The following DEPDC5 variants were observed in gnomAD, a reference collection of about 807,000 sequenced individuals.
DEPDC5 encodes GATOR1 complex protein DEPDC5.
DEPDC5 carries 73 observed loss-of-function variants against 217.3 expected under a neutral mutation model. The ratio of observed to expected loss-of-function variants is 0.34; its 90% CI spans 0.28 to 0.41. DEPDC5 has a LOEUF of 0.41. Ranked by LOEUF, DEPDC5 falls within the 10% of genes least tolerant of loss-of-function variation. The pLI, the probability that DEPDC5 is intolerant of heterozygous loss-of-function variation, is 1.00. For missense variants in DEPDC5, 1,675 were observed against 2,070.1 expected (o/e 0.81, Z 3.70); for synonymous variants, 733 against 756.7 (o/e 0.97, Z 0.51).
rs3213524 is a variant in DEPDC5, at chr22:31,879,803, G to A, written c.4033+51G>A. 0.12 allele frequency: 178,983 copies of A among 1,539,228 alleles called. 11,546 individuals carry two copies. The highest frequency in any genetic ancestry group is 0.22 in the African/African-American group (15,896 of 73,306). On this transcript the variant is annotated intron_variant, in intron 38 of 42. Coordinates refer to ENST00000651528, the MANE Select transcript of DEPDC5 (RefSeq NM_001242896.3). The stretch of plus-strand genomic sequence containing the variant: ...TGAGGGTGTGCCAGTGGGTGGCTGC[G>A]GGAAAGTAGTGGCCAGCCAAGGGAA...
chr22:31,849,931 A>G (rs2091940224), intron 31 of DEPDC5, among the ~76,000 whole-genome samples: 1 of 152,068 alleles, frequency 6.6e-6, no homozygotes, highest in South Asian at 2.1e-4. Flanking sequence ...AGGAACTACA[A>G]TTTGAGATGA....
At chr22:31,837,847 G>A (rs529868009) in intron 26 of DEPDC5, among the ~76,000 whole-genome samples, 2 of 152,080 alleles carry the variant, frequency 1.3e-5, no homozygotes, top group South Asian at 2.1e-4. Context: ...GACTACAGGC[G>A]TGTGCCACCA....
chr22:31,773,178 TTTTAAC>T (rs1479723125), intron 7 of DEPDC5, among the ~76,000 whole-genome samples: 1 of 152,082 alleles, frequency 6.6e-6, no homozygotes, highest in Non-Finnish European at 1.5e-5. Flanking sequence ...GATTGTCACT[TTTTAAC>T]TTTATTTTTA....
In DEPDC5 at chr22:31,804,701, A is replaced by T. The variant is rs918685405; in HGVS notation, c.1144-141A>T. On this transcript the variant is annotated intron_variant, in intron 16 of 42. Transcript: ENST00000651528. Reference sequence around the variant, plus strand: ...GTGGTCCGCCCGCCTTGGCCTCCCAAATTGCTGGGATTACAGGCATGACCC... The same window carrying T: ...GTGGTCCGCCCGCCTTGGCCTCCCATATTGCTGGGATTACAGGCATGACCC... 1.2e-5 allele frequency: 9 copies of T among 775,782 alleles called. No homozygotes were observed. The African/African-American group carries it at 1.6e-4, about 14-fold the overall frequency. 48.1% of individuals were successfully genotyped at this position (775,782 alleles called of 1,614,324 possible).
At chr22:31,869,772 CGG>C (rs1400953584) in intron 33 of DEPDC5, among the ~76,000 whole-genome samples, 5 of 151,924 alleles carry the variant, frequency 3.3e-5, no homozygotes, top group Non-Finnish European at 7.4e-5. Flanking sequence ...TCCTGTGAGT[CGG>C]TTTTCAGTGT....
chr22:31,772,462 G>A (rs902243664), intron 7 of DEPDC5, among the ~76,000 whole-genome samples: 3 of 152,108 alleles, frequency 2.0e-5, no homozygotes, highest in Admixed American at 1.3e-4. Context: ...AGTGATGTTG[G>A]GTAACTTCGG....
chr22:31,830,603 T>C (rs946342232), intron 24 of DEPDC5, among the ~76,000 whole-genome samples: 5 of 151,186 alleles, frequency 3.3e-5, no homozygotes, highest in Non-Finnish European at 5.9e-5. Context: ...GTCCTGAAAA[T>C]ATTTGCTTTT....
chr22:31,832,638 A>C (rs552370532), intron 24 of DEPDC5, among the ~76,000 whole-genome samples: 2 of 152,280 alleles, frequency 1.3e-5, no homozygotes, highest in Non-Finnish European at 2.9e-5. Context: ...ACACAGGTGC[A>C]TGCCACCATG....
In DEPDC5 at chr22:31,870,657, C is replaced by T. The variant is rs1199651277; in HGVS notation, c.3398C>T (p.Ser1133Phe). Residue 1133 changes from serine (S) to phenylalanine (F), a missense_variant, in exon 34 of 43, where the codon TCC becomes TTC. This residue lies in a region of DEPDC5 where 9 missense variants were observed against 25.7 expected (regional missense o/e 0.35). Transcript: ENST00000651528. ...GTSLGICTGQ[S>F]MDRGNSQTFG... ...AGTTTGGGCATATGCACAGGCCAAT[C>T]CATGGACAGAGGCAACAGCCAGACC... 1.2e-6 allele frequency: 2 copies of T among 1,605,680 alleles called. No individual in the cohort carries two copies. Among genetic ancestry groups the T allele is most frequent in the East Asian group, 2.3e-5 (1 of 43,966 alleles).
At chr22:31,900,600 G>A (rs9621362) in intron 40 of DEPDC5, among the ~76,000 whole-genome samples, 8 of 151,814 alleles carry the variant, frequency 5.3e-5, no homozygotes, top group Non-Finnish European at 1.0e-4. Flanking sequence ...TTAGCTGGGC[G>A]CTGTGGCACA....
At chr22:31,831,738 G>C (rs1298063451) in intron 24 of DEPDC5, among the ~76,000 whole-genome samples, 1 of 152,182 alleles carries the variant, frequency 6.6e-6, no homozygotes, top group South Asian at 2.1e-4. Flanking sequence ...TGAGATTACA[G>C]GCGTGAGCCC....
At chr22:31,888,548 G>A (rs1051143284) in intron 38 of DEPDC5, among the ~76,000 whole-genome samples, 4 of 149,714 alleles carry the variant, frequency 2.7e-5, no homozygotes, top group South Asian at 2.1e-4. Context: ...CACCACACCC[G>A]GCTCTTTGTT....
Position 31,843,780 on chromosome 22 carries a change from G to T in DEPDC5, c.2769G>T (p.Gln923His). The T allele has an allele frequency of 6.2e-7, 1 of 1,611,456 alleles. No individual in the cohort carries two copies. Among genetic ancestry groups the T allele is most frequent in the Non-Finnish European group, 8.5e-7 (1 of 1,177,832 alleles). ...AGTACAAGTGGAATTACTTAGATCA[G>T]TATATCTGTTCTGCCGGCTCTGAAG... Reference protein sequence around the residue: ...LEEYKWNYLDQYICSAGSEDF... With the variant: ...LEEYKWNYLDHYICSAGSEDF... Residue 923 changes from glutamine to histidine, a missense_variant, in exon 29 of 43, where the codon CAG (glutamine) becomes CAT (histidine). Physicochemically the swap from Gln to His is conservative, Grantham distance 24. Coordinates refer to ENST00000651528, the MANE Select transcript of DEPDC5 (RefSeq NM_001242896.3).
chr22:31,868,515 C>T (rs907382762), intron 33 of DEPDC5, among the ~76,000 whole-genome samples: 1 of 152,214 alleles, frequency 6.6e-6, no homozygotes, highest in African/African-American at 2.4e-5. Flanking sequence ...GCAACCTCCG[C>T]TTCCCGGGTG....
intron 20 of DEPDC5, among the ~76,000 whole-genome samples, chr22:31,813,679 C>CTATATA (rs58384211): frequency 9.8e-4 from 141 of 144,558 alleles, no homozygotes; most frequent in African/African-American, 3.3e-3. Context: ...TTTAATAAGG[C>CTATATA]TATATATATA....
chr22:31,787,604 C>G (rs914931008), intron 10 of DEPDC5, among the ~76,000 whole-genome samples: 8 of 151,898 alleles, frequency 5.3e-5, no homozygotes, highest in African/African-American at 1.9e-4. Context: ...GCCAAAAGTT[C>G]GAGTAACCCA....
chr22:31,804,346 C>A, intron 16 of DEPDC5, 123 bp downstream of exon 16: 1 of 915,636 alleles, frequency 1.1e-6, no homozygotes, highest in Non-Finnish European at 1.7e-6. Context: ...GTGGGAAGAT[C>A]CCTTAAGCCT....
Position 31,843,645 on chromosome 22 carries a change from G to T in DEPDC5, c.2634G>T (p.Lys878Asn), listed in dbSNP as rs1273808428. 6.3e-7 allele frequency: 1 copy of T among 1,591,038 alleles called. No individual in the cohort carries two copies. The highest frequency in any genetic ancestry group is 2.3e-5 in the East Asian group (1 of 44,244). Residue 878 changes from lysine (K) to asparagine (N), a missense_variant and splice_region_variant, in exon 29 of 43, where the codon AAG becomes AAT. Coordinates refer to ENST00000651528, the MANE Select transcript of DEPDC5 (RefSeq NM_001242896.3). The stretch of plus-strand genomic sequence containing the variant: ...TGGGGACCTGCCCTTTATTTTGCAG[G>T]TATCCTTATGAATCTGCCCAGATCC... ...KMITVTRYLP[K>N]YPYESAQIHY...
intron 38 of DEPDC5, 77 bp downstream of exon 38, chr22:31,879,829 C>A (rs183625282): frequency 3.7e-6 from 5 of 1,358,486 alleles, no homozygotes; most frequent in Admixed American, 4.0e-5. Flanking sequence ...GCCAAGGGAA[C>A]GATGCCACAT....
Sources: allele counts gnomAD v4.1 joint callset (sites outside exome capture counted in the v4.1 genomes callset), GRCh38; gene constraint gnomAD v4.1.1; regional missense constraint gnomAD v4.1.1; transcripts MANE v1.5; gene names NCBI Gene and HGNC (gene_info 2026-07-23, HGNC 2026-07-21).